Variants in DDX11 observed in about 807,000 individuals in gnomAD.
The protein encoded by DDX11 is ATP-dependent DNA helicase DDX11.
A neutral mutation model predicts 125.2 loss-of-function variants in DDX11; 72 were observed. The ratio of observed to expected loss-of-function variants is 0.58; its 90% confidence interval spans 0.48 to 0.70. The LOEUF (loss-of-function observed/expected upper bound fraction) is 0.70, where lower values mean the gene tolerates loss of function less well. Ranked by LOEUF, DDX11 falls within the 30% of genes least tolerant of loss-of-function variation. DDX11 has a pLI of 0.00. For missense variants in DDX11, 883 were observed against 1,165.0 expected (o/e 0.76, Z 3.52); for synonymous variants, 347 against 452.6 (o/e 0.77, Z 2.96).
chr12:31,093,940 G>A (rs990477280), intron 12 of DDX11, among the ~76,000 whole-genome samples: 32 of 145,356 alleles, frequency 2.2e-4, no homozygotes, highest in Non-Finnish European at 4.8e-4. Context: ...GCATAGTTCT[G>A]TGGGTTGTTC....
chr12:31,084,152 T>C (rs1205330720), intron 3 of DDX11, 91 bp downstream of exon 3: 3 of 1,537,238 alleles, frequency 2.0e-6, no homozygotes, highest in Non-Finnish European at 2.7e-6. Context: ...AGGCAGTGCA[T>C]GCTCCCCTGC....
At chr12:31,096,141 G>A (rs1464737115) in intron 14 of DDX11, among the ~76,000 whole-genome samples, 200 bp from the exon 15 acceptor site, 4 of 152,080 alleles carry the variant, frequency 2.6e-5, no homozygotes, top group East Asian at 1.9e-4. Flanking sequence ...AGGACACTGC[G>A]TTGTGGGCAG....
At chr12:31,096,785 A>G (rs1459164672) in intron 16 of DDX11, 40 bp downstream of exon 16, 1 of 1,614,208 alleles carries the variant, frequency 6.2e-7, no homozygotes, top group African/African-American at 1.3e-5. Context: ...GGCTGCACGC[A>G]TGGGCAAGGA....
At chr12:31,088,035 T>C (rs1440453184) in intron 6 of DDX11, 52 bp downstream of exon 6, 27 of 1,604,212 alleles carry the variant, frequency 1.7e-5, no homozygotes, top group Non-Finnish European at 2.3e-5. Context: ...GGCTGGGCTG[T>C]GCACCCCTGG....
chr12:31,091,908 G>C, intron 10 of DDX11, 37 bp downstream of exon 10: 1 of 1,613,542 alleles, frequency 6.2e-7, no homozygotes. Context: ...AGGGCCTGCT[G>C]TGACGTAAAG....
intron 18 of DDX11, among the ~76,000 whole-genome samples, chr12:31,100,086 G>A (rs1335827996): frequency 2.0e-5 from 3 of 152,146 alleles, no homozygotes; most frequent in East Asian, 3.9e-4. Flanking sequence ...GGAAAGGTCC[G>A]GGGGCACATG....
intron 5 of DDX11, among the ~76,000 whole-genome samples, chr12:31,085,735 C>G (rs964940367): frequency 2.6e-5 from 4 of 152,234 alleles, no homozygotes; most frequent in Non-Finnish European, 5.9e-5. Context: ...CCCTGAGTGT[C>G]TGCTCTGAGT....
At chr12:31,081,182 T>A (rs563988915) in intron 2 of DDX11, among the ~76,000 whole-genome samples, 1 of 152,368 alleles carries the variant, frequency 6.6e-6, no homozygotes, top group South Asian at 2.1e-4. Flanking sequence ...TATAGCTTCA[T>A]CTTCTTGTGT....
In DDX11 at chr12:31,103,408, G is replaced by A. The variant is rs3925641; in HGVS notation, c.2536+13G>A. On this transcript the variant is annotated intron_variant, in intron 25 of 26. Coordinates refer to ENST00000542838, the MANE Select transcript of DDX11 (RefSeq NM_030653.4). ...AACCAGTCCATAGGTGAGCCTGGCT[G>A]CCTCCAGCTGGGTGGACAGATGGGG... is the stretch of plus-strand genomic sequence containing the variant. 0.49 allele frequency: 779,720 copies of A among 1,601,684 alleles called. 196,313 individuals carry two copies. The highest frequency in any genetic ancestry group is 0.84 in the East Asian group (37,330 of 44,254).
chr12:31,091,811 G>A lies in DDX11; in HGVS notation c.1182G>A (p.Glu394=). The change falls in exon 10 of 27, where the codon GAG becomes GAA. Residue 394 remains glutamate, a synonymous_variant. Transcript: ENST00000542838. ...AGGACCAGGTGGTGATCATCGACGA[G>A]GCGCACAACCTGATCGACACCATCA... The part of the protein sequence containing the change: ...RLQDQVVIID[E]AHNLIDTITG... The A allele has an allele frequency of 6.2e-7, 1 of 1,613,908 alleles. No individual in the cohort carries two copies. The highest frequency in any genetic ancestry group is 1.3e-5 in the African/African-American group (1 of 75,068).
intron 25 of DDX11, 45 bp from the exon 26 acceptor site, chr12:31,103,532 G>A: frequency 1.9e-6 from 3 of 1,613,700 alleles, no homozygotes; most frequent in Non-Finnish European, 2.5e-6. Context: ...TGCTGTAGGG[G>A]GGAGGCAGGT....
At chr12:31,082,529 T>G (rs1359092662) in intron 2 of DDX11, among the ~76,000 whole-genome samples, 1 of 152,006 alleles carries the variant, frequency 6.6e-6, no homozygotes, top group Non-Finnish European at 1.5e-5. Context: ...TCATACGAGG[T>G]GTTTCACCCC....
intron 20 of DDX11, 167 bp downstream of exon 20, chr12:31,101,297 T>C: frequency 3.0e-6 from 2 of 668,580 alleles, no homozygotes; most frequent in Admixed American, 2.1e-5. Flanking sequence ...TAGATGCTTA[T>C]GGAGGAAGGT....
chr12:31,076,489 G>A (rs1940743340), intron 1 of DDX11, among the ~76,000 whole-genome samples: 1 of 152,030 alleles, frequency 6.6e-6, no homozygotes, highest in South Asian at 2.1e-4. Context: ...GATATCTCTT[G>A]CAACCGGATG....
rs1592822927 is a variant in DDX11, at chr12:31,102,040, G to A, written c.2202+58G>A. On this transcript the variant is annotated intron_variant, in intron 21 of 26. Transcript: ENST00000542838. ...GAGGACAGTGCCACTGAGTCCTCCTGGGAGCTCTCGTGCTCATCGGGTCAG... is the reference window on the plus strand; with the variant it reads ...GAGGACAGTGCCACTGAGTCCTCCTAGGAGCTCTCGTGCTCATCGGGTCAG... 8 of 1,592,582 alleles carry A rather than the reference G, an allele frequency of 5.0e-6. No homozygotes were observed. The East Asian group carries it at 1.6e-4, about 32-fold the overall frequency.
At position 31,101,084 on chromosome 12, in the gene DDX11, A is replaced by G. The variant is rs751588877; in HGVS notation, c.2006A>G (p.Asn669Ser). Residue 669 changes from asparagine to serine, a missense_variant, in exon 20 of 27, where the codon AAC (asparagine) becomes AGC (serine). By Grantham distance (46) the Asn-to-Ser change is conservative. Transcript: ENST00000542838. ...LPLVICSGIS[N>S]QPLEFTFQKR... ...CTCGTCATCTGCAGCGGGATCTCCA[A>G]CCAGCCGCTGGAATTCACGTTCCAG... 1.5e-5 allele frequency: 25 copies of G among 1,614,100 alleles called. No individual in the cohort carries two copies. The East Asian group carries it at 4.9e-4, about 32-fold the overall frequency.
At chr12:31,100,754 GC>G in intron 19 of DDX11, 47 bp downstream of exon 19, 2 of 1,547,616 alleles carry the variant, frequency 1.3e-6, no homozygotes, top group East Asian at 2.4e-5. Context: ...TCAGGTTCTG[GC>G]CCCCGTTTTC....
At chr12:31,085,460 G>A (rs529728842) in intron 5 of DDX11, among the ~76,000 whole-genome samples, 1 of 152,274 alleles carries the variant, frequency 6.6e-6, no homozygotes, top group Non-Finnish European at 1.5e-5. Context: ...AGCTGGGCTA[G>A]AACTCAGCTG....
chr12:31,082,799 G>A (rs1466366249), intron 2 of DDX11, among the ~76,000 whole-genome samples: 12 of 152,164 alleles, frequency 7.9e-5, no homozygotes, highest in South Asian at 2.1e-4. Flanking sequence ...GCTGGAGTCC[G>A]AGATCAAGGT....
Sources: gnomAD v4.1 joint callset for allele counts (sites outside exome capture counted in the v4.1 genomes callset) on GRCh38, gnomAD v4.1.1 for gene constraint, MANE v1.5 for transcripts, NCBI Gene and HGNC (gene_info 2026-07-23, HGNC 2026-07-21) for gene names.